RPL28: variants seen among roughly 807,000 people sequenced by gnomAD.
The protein encoded by RPL28 is large ribosomal subunit protein eL28.
In RPL28, 4 loss-of-function variants were observed where a neutral mutation model predicts 12.5. The ratio of observed to expected loss-of-function variants is 0.32; its 90% CI spans 0.16 to 0.73. RPL28 has a LOEUF of 0.73. Ranked by LOEUF, RPL28 falls within the 30% of genes least tolerant of loss-of-function variation. RPL28 has a pLI of 0.66. For missense variants in RPL28, 214 were observed against 197.7 expected, an observed-to-expected ratio of 1.08 and a Z score of -0.49; for synonymous variants, 91 against 72.5, an observed-to-expected ratio of 1.26 and a Z score of -1.30.
In RPL28 at chr19:55,391,753, T is replaced by C; in HGVS notation, c.*3421T>C. The stretch of plus-strand genomic sequence containing the variant: ...CACAAATCCTGATTGTAGGAATAAA[T>C]TAATGACTTTTTATAAATATTTTGA... On this transcript the variant is annotated 3_prime_UTR_variant, in exon 5 of 5. Coordinates refer to ENST00000344063, the MANE Select transcript of RPL28 (RefSeq NM_000991.5). 1 of 1,494,596 alleles carries C rather than the reference T, an allele frequency of 6.7e-7. No homozygotes were observed. Among genetic ancestry groups the C allele is most frequent in the African/African-American group, 1.5e-5 (1 of 68,018 alleles). The allele number at this position is 1,494,596 out of a possible 1,614,324, so 92.6% of individuals were successfully genotyped here.
chr19:55,401,761 G>A (rs2090060796), intron 4 of RPL28: 3 of 1,613,176 alleles, frequency 1.9e-6, no homozygotes, highest in Non-Finnish European at 2.5e-6. Flanking sequence ...GCACTTGATG[G>A]TCTGTGGGAA....
Position 55,390,144 on chromosome 19 carries a change from G to C in RPL28, c.*1812G>C, listed in dbSNP as rs1569042683. 1.4e-5 allele frequency: 14 copies of C among 985,420 alleles called. No individual in the cohort carries two copies. Among genetic ancestry groups the C allele is most frequent in the Non-Finnish European group, 1.6e-5 (13 of 829,908 alleles). 61.0% of individuals were successfully genotyped at this position (985,420 alleles called of 1,614,324 possible). A position where few individuals can be genotyped will look rare whatever the true frequency, so the allele number is the denominator to read the frequency against. ...TTTGTCTAGCACACCAGCATATAAT[G>C]AGATGCTTGATGAATGGTGCATATT... On this transcript the variant is annotated 3_prime_UTR_variant, in exon 5 of 5. Transcript: ENST00000344063.
At chr19:55,402,852 C>T (rs943842631) in intron 4 of RPL28, 3 of 1,084,192 alleles carry the variant, frequency 2.8e-6, no homozygotes, top group African/African-American at 3.2e-5. Flanking sequence ...AATCCTCTCC[C>T]TCCCCATGGC....
chr19:55,400,344 G>T (rs10408525), intron 4 of RPL28: 1 of 152,136 alleles, frequency 6.6e-6, no homozygotes, highest in East Asian at 1.9e-4. Context: ...AAATTAATGA[G>T]ACATTGGTCT....
chr19:55,397,214 T>C (rs114686969), intron 4 of RPL28, among the ~76,000 whole-genome samples: 30 of 152,282 alleles, frequency 2.0e-4, no homozygotes, highest in African/African-American at 7.0e-4. Flanking sequence ...CACCACCATA[T>C]GTATGTTTAG....
At chr19:55,399,112 G>A (rs893891829) in intron 4 of RPL28, among the ~76,000 whole-genome samples, 1 of 151,864 alleles carries the variant, frequency 6.6e-6, no homozygotes, top group South Asian at 2.1e-4. Flanking sequence ...TTCCGCCTCC[G>A]AAGAGCTGAG....
rs942451961 is a variant in RPL28, at chr19:55,389,589, G to C, written c.*1257G>C. 2.0e-6 allele frequency: 2 copies of C among 985,398 alleles called. No homozygotes were observed. Among genetic ancestry groups the C allele is most frequent in the African/African-American group, 3.5e-5 (2 of 57,238 alleles). The allele number at this position is 985,398 out of a possible 1,614,324, so 61.0% of individuals were successfully genotyped here. A position where few individuals can be genotyped will look rare whatever the true frequency, so the allele number is the denominator to read the frequency against. ...CCTCGACTTGCCATTGGTTGGGGTC[G>C]TACGGGGCTGGGAGCCCTGCGTTTT... On this transcript the variant is annotated 3_prime_UTR_variant, in exon 5 of 5. Transcript: ENST00000344063.
In RPL28 at chr19:55,392,035, C is replaced by T. The variant is rs1600308752; in HGVS notation, c.*3703C>T. 9.4e-7 allele frequency: 1 copy of T among 1,062,402 alleles called. No individual in the cohort carries two copies. The highest frequency in any genetic ancestry group is 1.1e-6 in the Non-Finnish European group (1 of 879,850). The allele number at this position is 1,062,402 out of a possible 1,614,324, so 65.8% of individuals were successfully genotyped here. On this transcript the variant is annotated 3_prime_UTR_variant, in exon 5 of 5. Coordinates refer to ENST00000344063, the MANE Select transcript of RPL28 (RefSeq NM_000991.5). ...GCGCTGCCCAGGAATGGTATCAATT[C>T]CCCTGTTTCTCTTGTAGCCAGTTAC...
chr19:55,395,772 C>A (rs1272789958), downstream of RPL28, among the ~76,000 whole-genome samples: 1 of 152,224 alleles, frequency 6.6e-6, no homozygotes, highest in East Asian at 1.9e-4. Context: ...ATAAAAATTT[C>A]TATAATGAAA....
chr19:55,396,868 C>T (rs137859870), downstream of RPL28, among the ~76,000 whole-genome samples: 1,347 of 151,860 alleles, frequency 8.9e-3, 19 homozygotes, highest in African/African-American at 0.031. Flanking sequence ...GTGTGAGCCA[C>T]GGTGCCTGGC....
downstream of RPL28, among the ~76,000 whole-genome samples, chr19:55,395,677 T>TCA (rs2090017861): frequency 4.1e-5 from 6 of 145,722 alleles, no homozygotes; most frequent in African/African-American, 1.3e-4. Context: ...TCTCCTGACC[T>TCA]TGTGATCTGC....
chr19:55,401,962 C>T (rs1167693360), intron 4 of RPL28, among the ~76,000 whole-genome samples: 4 of 152,210 alleles, frequency 2.6e-5, no homozygotes. Context: ...TGCCTCACAG[C>T]AGATGTTCCC....
At chr19:55,386,733 C>G (rs770978933) in intron 3 of RPL28, 40 bp downstream of exon 3, 3 of 1,612,300 alleles carry the variant, frequency 1.9e-6, no homozygotes, top group Non-Finnish European at 2.5e-6. Context: ...CGGCCCCTTT[C>G]CCGGGTCTGG....
intron 3 of RPL28, chr19:55,387,219 C>T (rs1403774430): frequency 1.0e-5 from 15 of 1,458,008 alleles, no homozygotes; most frequent in Middle Eastern, 1.8e-4. Flanking sequence ...TCGTGTGAGT[C>T]GGGGGTCTCT....
chr19:55,391,699 T>G lies in RPL28; in HGVS notation c.*3367T>G. ...TACTACTCAGGGTTGATGAGAAGAT[T>G]AAATGTGCAAAACCTGCTTGACTGT... On this transcript the variant is annotated 3_prime_UTR_variant, in exon 5 of 5. Transcript: ENST00000344063. 1 of 1,534,428 alleles carries G rather than the reference T, an allele frequency of 6.5e-7. No homozygotes were observed.
chr19:55,397,419 T>G (rs895443119), intron 4 of RPL28, among the ~76,000 whole-genome samples: 7 of 151,818 alleles, frequency 4.6e-5, no homozygotes, highest in Non-Finnish European at 7.4e-5. Flanking sequence ...TCGCTCTGTC[T>G]CCCAGGCTGG....
intron 3 of RPL28, chr19:55,387,487 A>G (rs1472595622): frequency 2.1e-6 from 3 of 1,460,530 alleles, no homozygotes; most frequent in African/African-American, 1.4e-5. Context: ...TGCCGAATAC[A>G]TGGGTGGCCC....
Position 55,388,391 on chromosome 19 carries a change from TC to T in RPL28, c.*62del. 7.0e-7 allele frequency: 1 copy of T among 1,429,388 alleles called. No homozygotes were observed. Among genetic ancestry groups the T allele is most frequent in the East Asian group, 2.7e-5 (1 of 37,388 alleles). The allele number at this position is 1,429,388 out of a possible 1,614,324, so 88.5% of individuals were successfully genotyped here. On this transcript the variant is annotated 3_prime_UTR_variant, in exon 5 of 5. Transcript: ENST00000344063. ...CTTTCTCACCTGCCTCGACTGGGCC[TC>T]CCTTTTTGAAACGCTCTGGGGAGCT...
Position 55,388,526 on chromosome 19 carries a change from G to A in RPL28, c.*194G>A. ...GCCATGCAGGAGGGGTGGGGTAGCT[G>A]CCTTGTCCCTGGTGAGGGCAAGGGT... is the stretch of plus-strand genomic sequence containing the variant. On this transcript the variant is annotated 3_prime_UTR_variant, in exon 5 of 5. Transcript: ENST00000344063. 2 of 1,292,782 alleles carry A rather than the reference G, an allele frequency of 1.5e-6. No individual in the cohort carries two copies. Among genetic ancestry groups the A allele is most frequent in the African/African-American group, 1.5e-5 (1 of 65,256 alleles). The allele number at this position is 1,292,782 out of a possible 1,614,324, so 80.1% of individuals were successfully genotyped here.
Sources: gnomAD v4.1 joint callset for allele counts (sites outside exome capture counted in the v4.1 genomes callset) on GRCh38, gnomAD v4.1.1 for gene constraint, MANE v1.5 for transcripts, NCBI Gene and HGNC (gene_info 2026-07-23, HGNC 2026-07-21) for gene names.